ZNF227: variants seen among roughly 807,000 people sequenced by gnomAD.
The protein encoded by ZNF227 is zinc finger protein 227.
A neutral mutation model predicts 13.2 loss-of-function variants in ZNF227; 12 were observed. The ratio of observed to expected loss-of-function variants is 0.91; its 90% confidence interval spans 0.58 to 1.47. ZNF227 has a LOEUF of 1.47. Among genes scored for constraint, ZNF227 ranks in the 40% most tolerant of loss-of-function variants. ZNF227 has a pLI of 0.00. For missense variants in ZNF227, 885 were observed against 967.5 expected, an observed-to-expected ratio of 0.91 and a Z score of 1.13; for synonymous variants, 338 against 326.0, an observed-to-expected ratio of 1.04 and a Z score of -0.40.
At position 44,212,547 on chromosome 19, in the gene ZNF227, C is replaced by T. The variant is rs867855084; in HGVS notation, c.-196C>T. 1.1e-4 allele frequency: 17 copies of T among 152,322 alleles called. No homozygotes were observed. The highest frequency in any genetic ancestry group is 4.1e-4 in the African/African-American group (17 of 41,524). The allele number at this position is 152,322 out of a possible 1,614,324, so 9.4% of individuals were successfully genotyped here. On this transcript the variant is annotated 5_prime_UTR_variant, in exon 1 of 6. Coordinates refer to ENST00000313040, the MANE Select transcript of ZNF227 (RefSeq NM_182490.3). ...CTGGGCAGGCAGAGCCACTTCCGCC[C>T]CGGAAAGCGAGGCCGCCACCATCTT...
chr19:44,211,882 A>G (rs1342533449), upstream of ZNF227, among the ~76,000 whole-genome samples: 1 of 97,756 alleles, frequency 1.0e-5, no homozygotes, highest in East Asian at 2.8e-4. Context: ...TCTGTTTCTT[A>G]TAATAGTTTT....
chr19:44,233,218 C>T (rs943780864), intron 5 of ZNF227, among the ~76,000 whole-genome samples: 1 of 152,106 alleles, frequency 6.6e-6, no homozygotes, highest in African/African-American at 2.4e-5. Context: ...CGTTTCTAAC[C>T]ATGACCCTCA....
At chr19:44,208,865 A>G (rs765923351), upstream of ZNF227, among the ~76,000 whole-genome samples, 2 of 152,230 alleles carry the variant, frequency 1.3e-5, no homozygotes, top group Non-Finnish European at 2.9e-5. Flanking sequence ...AGATTAGAAA[A>G]TACAGAAATG....
At chr19:44,227,001 T>G (rs1973239091) in intron 3 of ZNF227, 1 of 152,208 alleles carries the variant, frequency 6.6e-6, no homozygotes, top group South Asian at 2.1e-4. Context: ...AAAGGATCTT[T>G]GTAGTATTGG....
At chr19:44,212,810 C>T (rs1209261779) in intron 1 of ZNF227, 1 of 152,170 alleles carries the variant, frequency 6.6e-6, no homozygotes, top group Non-Finnish European at 1.5e-5. Context: ...GCTCCTGTTT[C>T]CTCATCTTTA....
intron 3 of ZNF227, among the ~76,000 whole-genome samples, chr19:44,227,543 T>C (rs1973311434): frequency 6.6e-6 from 1 of 152,110 alleles, no homozygotes; most frequent in Admixed American, 6.5e-5. Context: ...CCACTGTGCC[T>C]AGCCTGAAAA....
At chr19:44,216,697 C>A (rs1172941047) in intron 2 of ZNF227, among the ~76,000 whole-genome samples, 1 of 151,926 alleles carries the variant, frequency 6.6e-6, no homozygotes, top group East Asian at 1.9e-4. Context: ...CTTTATCTTT[C>A]TCTTTGCTGT....
intron 5 of ZNF227, 87 bp from the exon 6 acceptor site, chr19:44,234,615 C>T (rs1974211384): frequency 8.0e-7 from 1 of 1,256,672 alleles, no homozygotes. Context: ...GGCTTTCTCC[C>T]ATGGCCTAAG....
chr19:44,219,675 C>A (rs1424309392), intron 3 of ZNF227, among the ~76,000 whole-genome samples: 1 of 151,836 alleles, frequency 6.6e-6, no homozygotes, highest in African/African-American at 2.4e-5. Flanking sequence ...TGTACTGTTG[C>A]ATGAAGAGTG....
intron 2 of ZNF227, among the ~76,000 whole-genome samples, chr19:44,216,459 G>A (rs1293759061): frequency 6.6e-6 from 1 of 151,934 alleles, no homozygotes; most frequent in African/African-American, 2.4e-5. Context: ...GCATTTCTGA[G>A]TTTTATTGTG....
rs1478874346 is a variant in ZNF227, at chr19:44,230,927, ATAT to A, written c.271+1112_271+1114del. Among the ~76,000 whole-genome samples the A allele has an allele frequency of 6.3e-3, 482 of 76,758 alleles. 16 individuals carry two copies. The highest frequency in any genetic ancestry group is 0.036 in the African/African-American group (392 of 10,786). The allele number at this position is 76,758 out of a possible 152,430, so 50.4% of individuals were successfully genotyped here. A position where few individuals can be genotyped will look rare whatever the true frequency, so the allele number is the denominator to read the frequency against. On this transcript the variant is annotated intron_variant, in intron 5 of 5. Coordinates refer to ENST00000313040, the MANE Select transcript of ZNF227 (RefSeq NM_182490.3). Reference sequence around the variant, plus strand: ...TCTCTACAAAAAAAAAAAAAAAAAAATATATATATATATATATATATATATATC... The same window carrying A: ...TCTCTACAAAAAAAAAAAAAAAAAAAATATATATATATATATATATATATC...
chr19:44,225,720 C>G (rs946388807), intron 3 of ZNF227, among the ~76,000 whole-genome samples: 1 of 152,178 alleles, frequency 6.6e-6, no homozygotes, highest in African/African-American at 2.4e-5. Context: ...GAATTTCCTC[C>G]TGAAGCTCGG....
intron 2 of ZNF227, among the ~76,000 whole-genome samples, chr19:44,215,130 C>G (rs892680236): frequency 5.3e-5 from 8 of 151,280 alleles, no homozygotes; most frequent in African/African-American, 1.9e-4. Context: ...AAAAAGGCTG[C>G]AGATGGTTGT....
chr19:44,230,501 GCCGT>G (rs1568609137), intron 5 of ZNF227, among the ~76,000 whole-genome samples: 5 of 151,984 alleles, frequency 3.3e-5, no homozygotes, highest in Admixed American at 2.0e-4. Flanking sequence ...CATGCTGGCC[GCCGT>G]TGGAGTATTT....
chr19:44,212,696 G>A (rs1971460482), intron 1 of ZNF227, 111 bp downstream of exon 1: 4 of 152,176 alleles, frequency 2.6e-5, no homozygotes, highest in African/African-American at 9.7e-5. Flanking sequence ...GGCCGCGGCG[G>A]AGGCCGAGAG....
intron 3 of ZNF227, among the ~76,000 whole-genome samples, chr19:44,222,288 T>C (rs1452922936): frequency 6.6e-6 from 1 of 152,126 alleles, no homozygotes; most frequent in African/African-American, 2.4e-5. Context: ...AGTTTTTTCC[T>C]ATTCTGTGAA....
chr19:44,235,515 G>C lies in ZNF227; in HGVS notation c.1085G>C (p.Ser362Thr). 1 of 1,614,166 alleles carries C rather than the reference G, an allele frequency of 6.2e-7. No homozygotes were observed. Among genetic ancestry groups the C allele is most frequent in the Non-Finnish European group, 8.5e-7 (1 of 1,180,044 alleles). ...YKCEECGKCFSQSSNFQCHQR... is the reference protein window; with the variant it reads ...YKCEECGKCFTQSSNFQCHQR... ...TGCGAGGAATGTGGTAAATGCTTTA[G>C]TCAAAGTTCAAATTTTCAGTGCCAT... Residue 362 changes from serine to threonine, a missense_variant, in exon 6 of 6, where the codon AGT becomes ACT. Coordinates refer to ENST00000313040, the MANE Select transcript of ZNF227 (RefSeq NM_182490.3).
chr19:44,234,619 G>T, intron 5 of ZNF227, 83 bp from the exon 6 acceptor site: 1 of 1,287,974 alleles, frequency 7.8e-7, no homozygotes, highest in South Asian at 1.6e-5. Context: ...TTCTCCCATG[G>T]CCTAAGTGTG....
chr19:44,217,894 T>C (rs908181371), intron 3 of ZNF227, 42 bp downstream of exon 3: 2 of 1,602,354 alleles, frequency 1.2e-6, no homozygotes, highest in African/African-American at 2.7e-5. Flanking sequence ...ATGTGATTTA[T>C]TTCTCAAAGA....
Sources: gnomAD v4.1 joint callset for allele counts (sites outside exome capture counted in the v4.1 genomes callset) on GRCh38, gnomAD v4.1.1 for gene constraint, MANE v1.5 for transcripts, NCBI Gene and HGNC (gene_info 2026-07-23, HGNC 2026-07-21) for gene names.